The following SLC25A51 variants were observed in gnomAD, a reference collection of about 807,000 sequenced individuals.
SLC25A51 encodes the protein mitochondrial nicotinamide adenine dinucleotide transporter SLC25A51.
A neutral mutation model predicts 19.1 loss-of-function variants in SLC25A51; 11 were observed. The observed-to-expected ratio is 0.58, with a 90% confidence interval of 0.36 to 0.96. The LOEUF (loss-of-function observed/expected upper bound fraction) is 0.96. Ranked by LOEUF, SLC25A51 falls within the 40% of genes least tolerant of loss-of-function variation. The pLI is 0.01. For synonymous variants in SLC25A51, 105 were observed against 133.6 expected (o/e 0.79, Z 1.47); for missense variants, 201 against 365.4 (o/e 0.55, Z 3.67).
chr9:37,888,589 T>A lies in SLC25A51; in HGVS notation c.-39A>T, dbSNP rs1831513896. On this transcript the variant is annotated 5_prime_UTR_variant, in exon 3 of 3. The change abolishes the stop of an existing upstream ORF in the 5' untranslated region. Coordinates refer to ENST00000242275, the MANE Select transcript of SLC25A51 (RefSeq NM_033412.4). ...TTTCTTTTTCATGAAGGACTTTTTT[T>A]AACCTACAAATAATAAATGACAACG... The A allele has an allele frequency of 6.4e-7, 1 of 1,555,068 alleles. No homozygotes were observed. Among genetic ancestry groups the A allele is most frequent in the Non-Finnish European group, 8.6e-7 (1 of 1,156,354 alleles).
chr9:37,895,606 C>T (rs918017728), intron 2 of SLC25A51, among the ~76,000 whole-genome samples: 1 of 152,054 alleles, frequency 6.6e-6, no homozygotes, highest in African/African-American at 2.4e-5. Flanking sequence ...CTTTGGTTGT[C>T]TTACTGATTT....
downstream of SLC25A51, chr9:37,885,953 C>G (rs1230220411): frequency 1.2e-6 from 2 of 1,613,088 alleles, no homozygotes; most frequent in Non-Finnish European, 1.7e-6. Flanking sequence ...GGAACTAGAA[C>G]GGGACAACAG....
At chr9:37,885,727 TGAA>T (rs1441757049), downstream of SLC25A51, 8 of 1,444,612 alleles carry the variant, frequency 5.5e-6, no homozygotes, top group Admixed American at 1.7e-5. Flanking sequence ...ATTGTGATGA[TGAA>T]GAACCGCAGA....
chr9:37,877,804 T>C (rs1446708641), downstream of SLC25A51, among the ~76,000 whole-genome samples: 1 of 152,132 alleles, frequency 6.6e-6, no homozygotes, highest in East Asian at 1.9e-4. Flanking sequence ...GCTCAGAAGT[T>C]TGAGACCAGC....
intron 2 of SLC25A51, among the ~76,000 whole-genome samples, chr9:37,889,080 A>G (rs1831524304): frequency 6.6e-6 from 1 of 152,204 alleles, no homozygotes; most frequent in African/African-American, 2.4e-5. Flanking sequence ...CACATAAACA[A>G]AGGGTGTTTG....
At chr9:37,900,412 G>A (rs1831821254) in intron 1 of SLC25A51, among the ~76,000 whole-genome samples, 1 of 150,582 alleles carries the variant, frequency 6.6e-6, no homozygotes, top group Non-Finnish European at 1.5e-5. Flanking sequence ...TCACAGCACT[G>A]CACTCCAGCC....
downstream of SLC25A51, among the ~76,000 whole-genome samples, chr9:37,885,032 A>G (rs183440954): frequency 2.6e-5 from 4 of 152,300 alleles, no homozygotes; most frequent in East Asian, 7.7e-4. Context: ...TGAAAAGCCT[A>G]TACCTAATAA....
rs746476887 is a variant in SLC25A51, at chr9:37,888,167, T to G, written c.384A>C (p.Ala128=). Reference sequence around the variant, plus strand: ...GAGTGAAAATTGCTTCTGTTGTCCCTGCAAGCACTGCCGCCACGCCACTGG... The same window carrying G: ...GAGTGAAAATTGCTTCTGTTGTCCCGGCAAGCACTGCCGCCACGCCACTGG... ...FATSGVAAVL[A]GTTEAIFTPL... The change falls in exon 3 of 3, where the codon GCA becomes GCC. Residue 128 remains alanine (A), a synonymous_variant. Coordinates refer to ENST00000242275, the MANE Select transcript of SLC25A51 (RefSeq NM_033412.4). The G allele has an allele frequency of 4.3e-6, 7 of 1,614,030 alleles. No individual in the cohort carries two copies. The highest frequency in any genetic ancestry group is 5.1e-6 in the Non-Finnish European group (6 of 1,179,882).
chr9:37,899,157 T>C (rs1386961314), intron 2 of SLC25A51, among the ~76,000 whole-genome samples: 3 of 152,230 alleles, frequency 2.0e-5, no homozygotes, highest in Admixed American at 6.5e-5. Context: ...TAGTGTACAG[T>C]AGGAACTCAA....
At chr9:37,883,744 G>C (rs73646121), downstream of SLC25A51, among the ~76,000 whole-genome samples, 1,354 of 152,328 alleles carry the variant, frequency 8.9e-3, 22 homozygotes, top group African/African-American at 0.031. Flanking sequence ...TTCAAATCCT[G>C]ACTCGATTTA....
At chr9:37,886,191 G>A (rs1219241856), downstream of SLC25A51, 13 of 1,517,206 alleles carry the variant, frequency 8.6e-6, no homozygotes, top group Non-Finnish European at 1.2e-5. Context: ...AAGGTAATGC[G>A]GCAGCCACAG....
exon 4 of SLC25A51, chr9:37,880,091 A>C (rs2118280073): frequency 6.6e-6 from 1 of 151,834 alleles, no homozygotes; most frequent in African/African-American, 2.4e-5. Context: ...AGGCTGAGGC[A>C]GGTGGATCAC....
intron 2 of SLC25A51, among the ~76,000 whole-genome samples, chr9:37,882,362 A>G (rs943585539): frequency 6.6e-6 from 1 of 152,222 alleles, no homozygotes; most frequent in Non-Finnish European, 1.5e-5. Flanking sequence ...GAAGCCCTCT[A>G]GATCCCATTT....
intron 2 of SLC25A51, among the ~76,000 whole-genome samples, chr9:37,890,021 A>G (rs1460576513): frequency 1.1e-4 from 17 of 151,924 alleles, no homozygotes; most frequent in Non-Finnish European, 1.5e-5. Context: ...ATATAAATAT[A>G]TACACACATA....
chr9:37,894,636 A>G (rs1160577946), intron 2 of SLC25A51, among the ~76,000 whole-genome samples: 1 of 152,118 alleles, frequency 6.6e-6, no homozygotes, highest in African/African-American at 2.4e-5. Context: ...TTTACAAAAA[A>G]TTTTAAGTTC....
chr9:37,888,647 G>A, intron 2 of SLC25A51, 55 bp from the exon 3 acceptor site: 1 of 1,349,670 alleles, frequency 7.4e-7, no homozygotes, highest in Non-Finnish European at 1.0e-6. Context: ...CTAAACACAT[G>A]GGCTTTCTCC....
chr9:37,892,393 T>C, intron 2 of SLC25A51, among the ~76,000 whole-genome samples: 1 of 152,200 alleles, frequency 6.6e-6, no homozygotes, highest in East Asian at 1.9e-4. Flanking sequence ...AGCAGCGGCA[T>C]CGCGTTCTTG....
chr9:37,897,621 T>C (rs1831747329), intron 2 of SLC25A51, among the ~76,000 whole-genome samples: 2 of 151,340 alleles, frequency 1.3e-5, no homozygotes, highest in Non-Finnish European at 2.9e-5. Flanking sequence ...AATTAAATTA[T>C]AATAAAGGAT....
intron 2 of SLC25A51, among the ~76,000 whole-genome samples, chr9:37,893,751 A>G (rs1288357482): frequency 6.6e-6 from 1 of 152,216 alleles, no homozygotes; most frequent in East Asian, 1.9e-4. Context: ...AGATCCAGTA[A>G]CAACAAAAAA....
Sources: allele counts gnomAD v4.1 joint callset (sites outside exome capture counted in the v4.1 genomes callset), GRCh38; gene constraint gnomAD v4.1.1; transcripts MANE v1.5; gene names NCBI Gene and HGNC (gene_info 2026-07-23, HGNC 2026-07-21).